The following SCARF1 variants were observed in gnomAD, a reference collection of about 807,000 sequenced individuals.
The protein encoded by SCARF1 is acetyl LDL receptor.
SCARF1 carries 49 observed loss-of-function variants against 76.3 expected under a neutral mutation model. The ratio of observed to expected loss-of-function variants is 0.64; its 90% CI spans 0.51 to 0.81. SCARF1 has a LOEUF of 0.81. Among genes scored for constraint, SCARF1 ranks in the 40% least tolerant of loss-of-function variants. SCARF1 has a pLI of 0.00. For synonymous variants in SCARF1, 495 were observed against 474.6 expected, an observed-to-expected ratio of 1.04 and a Z score of -0.56; for missense variants, 1,098 against 1,143.9, an observed-to-expected ratio of 0.96 and a Z score of 0.58.
At chr17:1,641,179 C>T (rs979359716) in intron 4 of SCARF1, among the ~76,000 whole-genome samples, 5 of 152,186 alleles carry the variant, frequency 3.3e-5, no homozygotes, top group Admixed American at 6.5e-5. Flanking sequence ...AGGAACTGGG[C>T]GACAGCGTAG....
In SCARF1 at chr17:1,645,383, C is replaced by CCGG; in HGVS notation, c.102-145_102-144insCCG. On this transcript the variant is annotated intron_variant, in intron 1 of 10. Coordinates refer to ENST00000263071, the MANE Select transcript of SCARF1 (RefSeq NM_003693.4). The surrounding 1 kb of genome is among the most constrained non-coding windows in gnomAD (Gnocchi z 6.3). Reference sequence around the variant, plus strand: ...AATGGATCTTTACAGCTAGGGTCCCCAGCCCCTCCCCTCTCCTTCCCTGAC... The same window carrying CCGG: ...AATGGATCTTTACAGCTAGGGTCCCCCGGAGCCCCTCCCCTCTCCTTCCCTGAC... 3 of 1,394,364 alleles carry CCGG rather than the reference C, an allele frequency of 2.2e-6. No homozygotes were observed. Among genetic ancestry groups the CCGG allele is most frequent in the Non-Finnish European group, 2.9e-6 (3 of 1,028,268 alleles). The allele number at this position is 1,394,364 out of a possible 1,614,324, so 86.4% of individuals were successfully genotyped here.
chr17:1,634,513 G>C lies in SCARF1; in HGVS notation c.*245C>G, dbSNP rs1270542870. 2.3e-6 allele frequency: 1 copy of C among 444,250 alleles called. No individual in the cohort carries two copies. The highest frequency in any genetic ancestry group is 3.4e-5 in the East Asian group (1 of 29,514). The allele number at this position is 444,250 out of a possible 1,614,324, so 27.5% of individuals were successfully genotyped here. ...GCCCTTATGAGGCACACAGGGTCCA[G>C]GACAGCAGAGCAAAAGTCCCTGCAG... is the stretch of plus-strand genomic sequence containing the variant. On this transcript the variant is annotated 3_prime_UTR_variant, in exon 11 of 11. Transcript: ENST00000263071.
At chr17:1,643,245 C>G in intron 4 of SCARF1, 197 bp downstream of exon 4, 1 of 69,650 alleles carries the variant, frequency 1.4e-5, no homozygotes, top group East Asian at 4.0e-4. Context: ...CCCTCCCCGC[C>G]CACCGGTGTC....
chr17:1,634,391 A>C lies in SCARF1; in HGVS notation c.*367T>G, dbSNP rs1253626108. The C allele has an allele frequency of 1.5e-5, 5 of 325,330 alleles. No homozygotes were observed. The highest frequency in any genetic ancestry group is 8.9e-5 in the African/African-American group (4 of 45,098). The allele number at this position is 325,330 out of a possible 1,614,324, so 20.2% of individuals were successfully genotyped here. A position where few individuals can be genotyped will look rare whatever the true frequency, so the allele number is the denominator to read the frequency against. On this transcript the variant is annotated 3_prime_UTR_variant, in exon 11 of 11. Transcript: ENST00000263071. Reference sequence around the variant, plus strand: ...GGGACAGAGGGAGATTCTGTCTCAAAAAAAAAAAAAAAAATTTGTTTAGCC... The same window carrying C: ...GGGACAGAGGGAGATTCTGTCTCAACAAAAAAAAAAAAAATTTGTTTAGCC...
Position 1,639,760 on chromosome 17 carries a change from G to C in SCARF1, c.1140-18C>G, listed in dbSNP as rs750553914. ...CGTTGCAGCTATGGAGTGACATGGAGAGGCAGGCTGAGGGCTGGGTGAAGT... is the reference window on the plus strand; with the variant it reads ...CGTTGCAGCTATGGAGTGACATGGACAGGCAGGCTGAGGGCTGGGTGAAGT... On this transcript the variant is annotated intron_variant, in intron 6 of 10. Transcript: ENST00000263071. The C allele has an allele frequency of 2.0e-5, 32 of 1,605,640 alleles. No homozygotes were observed. The highest frequency in any genetic ancestry group is 2.7e-5 in the Non-Finnish European group (32 of 1,175,578).
Position 1,641,766 on chromosome 17 carries a change from G to C in SCARF1, c.792-1100C>G, listed in dbSNP as rs756775211. 5.3e-5 allele frequency among the ~76,000 whole-genome samples: 8 copies of C among 152,252 alleles called. No homozygotes were observed. The South Asian group carries it at 8.3e-4, about 16-fold the overall frequency. On this transcript the variant is annotated intron_variant, in intron 4 of 10. Coordinates refer to ENST00000263071, the MANE Select transcript of SCARF1 (RefSeq NM_003693.4). The stretch of plus-strand genomic sequence containing the variant: ...AGACTGAGTCTCACTCTGTCGCCCA[G>C]GCTGGCGTGCAGTGGCGCGATCTTG...
intron 10 of SCARF1, among the ~76,000 whole-genome samples, chr17:1,636,295 C>A (rs749231473): frequency 2.0e-5 from 3 of 152,222 alleles, no homozygotes; most frequent in African/African-American, 7.2e-5. Context: ...TTATCTCTTG[C>A]ATGCCCGGAG....
chr17:1,638,672 C>T, intron 8 of SCARF1, 134 bp downstream of exon 8: 1 of 1,240,414 alleles, frequency 8.1e-7, no homozygotes, highest in Non-Finnish European at 1.1e-6. Flanking sequence ...CAAGGCCAGC[C>T]CTCCCCACCC....
rs748658590 is a variant in SCARF1 at position 1,643,483 on chromosome 17, C to G, written c.750G>C (p.Leu250=). ...CCCCGTGGCTGCCTGCCGGGCAGGG[C>G]AGCTCGCAGCGCGCTCCGCGGAAGC... ...PPGFRGARCE[L]PCPAGSHGVQ... The change falls in exon 4 of 11, where the codon CTG becomes CTC. Residue 250 remains leucine, a synonymous_variant. Coordinates refer to ENST00000263071, the MANE Select transcript of SCARF1 (RefSeq NM_003693.4). The G allele has an allele frequency of 5.2e-5, 69 of 1,329,072 alleles. 2 individuals carry two copies. The South Asian group carries it at 1.3e-3, about 25-fold the overall frequency. 82.3% of individuals were successfully genotyped at this position (1,329,072 alleles called of 1,614,324 possible).
chr17:1,634,616 T>A lies in SCARF1; in HGVS notation c.*142A>T. ...CCCTCCGGGAGCACTGCCAGGGGCC[T>A]GGGCCAACTGGCCTGGAAGCCTTGC... is the stretch of plus-strand genomic sequence containing the variant. On this transcript the variant is annotated 3_prime_UTR_variant, in exon 11 of 11. Coordinates refer to ENST00000263071, the MANE Select transcript of SCARF1 (RefSeq NM_003693.4). 8.1e-7 allele frequency: 1 copy of A among 1,227,938 alleles called. No individual in the cohort carries two copies. Among genetic ancestry groups the A allele is most frequent in the Non-Finnish European group, 1.1e-6 (1 of 897,502 alleles). 76.1% of individuals were successfully genotyped at this position (1,227,938 alleles called of 1,614,324 possible). A position where few individuals can be genotyped will look rare whatever the true frequency, so the allele number is the denominator to read the frequency against.
Position 1,643,862 on chromosome 17 carries a change from C to A in SCARF1, c.371G>T (p.Arg124Leu). 2 of 1,280,244 alleles carry A rather than the reference C, an allele frequency of 1.6e-6. No individual in the cohort carries two copies. Among genetic ancestry groups the A allele is most frequent in the Admixed American group, 4.2e-5 (1 of 23,838 alleles). The allele number at this position is 1,280,244 out of a possible 1,614,324, so 79.3% of individuals were successfully genotyped here. A position where few individuals can be genotyped will look rare whatever the true frequency, so the allele number is the denominator to read the frequency against. The stretch of plus-strand genomic sequence containing the variant: ...CGGGAACTCGCAGCGGGCTCCCCAG[C>A]GGTCGGCCTGGCACTGGCACGCGCC... ...ATGACQCQADRWGARCEFPCA... is the reference protein window; with the variant it reads ...ATGACQCQADLWGARCEFPCA... The change falls in exon 4 of 11, where the codon CGC becomes CTC. Residue 124 changes from arginine (R) to leucine (L), a missense_variant. By Grantham distance (102) the Arg-to-Leu change is moderately radical. Coordinates refer to ENST00000263071, the MANE Select transcript of SCARF1 (RefSeq NM_003693.4).
Position 1,640,152 on chromosome 17 carries a change from C to A in SCARF1, c.1011-112G>T, listed in dbSNP as rs944010346. 1 of 1,307,852 alleles carries A rather than the reference C, an allele frequency of 7.6e-7. No individual in the cohort carries two copies. The highest frequency in any genetic ancestry group is 1.0e-6 in the Non-Finnish European group (1 of 954,776). 81.0% of individuals were successfully genotyped at this position (1,307,852 alleles called of 1,614,324 possible). A position where few individuals can be genotyped will look rare whatever the true frequency, so the allele number is the denominator to read the frequency against. ...GGACTCAAGGACCCAACTGGCCACT[C>A]CTCAGCAGTGAAGCTCAGGTGCAAA... On this transcript the variant is annotated intron_variant, in intron 5 of 10. Coordinates refer to ENST00000263071, the MANE Select transcript of SCARF1 (RefSeq NM_003693.4). This position sits in a 1 kb window ranked among gnomAD's most constrained non-coding sequence, Gnocchi z 4.7.
At chr17:1,637,955 G>C (rs1909722140) in intron 8 of SCARF1, among the ~76,000 whole-genome samples, 1 of 152,174 alleles carries the variant, frequency 6.6e-6, no homozygotes, top group Non-Finnish European at 1.5e-5. Context: ...AGGGGCAACT[G>C]TATCTGCTCC....
In SCARF1 at chr17:1,640,155, C is replaced by T; in HGVS notation, c.1011-115G>A. On this transcript the variant is annotated intron_variant, in intron 5 of 10. Transcript: ENST00000263071. The surrounding 1 kb of genome is among the most constrained non-coding windows in gnomAD (Gnocchi z 4.7). ...CTCAAGGACCCAACTGGCCACTCCT[C>T]AGCAGTGAAGCTCAGGTGCAAATAG... The T allele has an allele frequency of 7.8e-7, 1 of 1,284,524 alleles. No homozygotes were observed. The highest frequency in any genetic ancestry group is 1.1e-6 in the Non-Finnish European group (1 of 935,564). The allele number at this position is 1,284,524 out of a possible 1,614,324, so 79.6% of individuals were successfully genotyped here. A position where few individuals can be genotyped will look rare whatever the true frequency, so the allele number is the denominator to read the frequency against.
Position 1,640,155 on chromosome 17 carries a change from C to G in SCARF1, c.1011-115G>C. On this transcript the variant is annotated intron_variant, in intron 5 of 10. Coordinates refer to ENST00000263071, the MANE Select transcript of SCARF1 (RefSeq NM_003693.4). This position sits in a 1 kb window ranked among gnomAD's most constrained non-coding sequence, Gnocchi z 4.7. Reference sequence around the variant, plus strand: ...CTCAAGGACCCAACTGGCCACTCCTCAGCAGTGAAGCTCAGGTGCAAATAG... The same window carrying G: ...CTCAAGGACCCAACTGGCCACTCCTGAGCAGTGAAGCTCAGGTGCAAATAG... The G allele has an allele frequency of 7.8e-7, 1 of 1,284,524 alleles. No individual in the cohort carries two copies. Among genetic ancestry groups the G allele is most frequent in the Non-Finnish European group, 1.1e-6 (1 of 935,564 alleles). 79.6% of individuals were successfully genotyped at this position (1,284,524 alleles called of 1,614,324 possible).
In SCARF1 at chr17:1,637,029, C is replaced by A; in HGVS notation, c.1398G>T (p.Met466Ile). ...TCAGTGTCCCCCAGACCTGCAGCTT[C>A]ATCCTGGACACGGTAGCTCCATCTC... is the stretch of plus-strand genomic sequence containing the variant. ...PARDGATVSR[M>I]KLQVWGTLTS... Residue 466 changes from methionine (M) to isoleucine (I), a missense_variant, in exon 9 of 11, where the codon ATG becomes ATT. Physicochemically the swap from Met to Ile is conservative, Grantham distance 10. Coordinates refer to ENST00000263071, the MANE Select transcript of SCARF1 (RefSeq NM_003693.4). 2 of 1,614,026 alleles carry A rather than the reference C, an allele frequency of 1.2e-6. No homozygotes were observed. Among genetic ancestry groups the A allele is most frequent in the Non-Finnish European group, 1.7e-6 (2 of 1,180,016 alleles).
chr17:1,637,011 C>G lies in SCARF1; in HGVS notation c.1416G>C (p.Gly472=), dbSNP rs201292021. Residue 472 remains glycine (G), a synonymous_variant, in exon 9 of 11, where the codon GGG becomes GGC. Coordinates refer to ENST00000263071, the MANE Select transcript of SCARF1 (RefSeq NM_003693.4). ...GCGTGGAGCCCAAGCTGGTCAGTGTCCCCCAGACCTGCAGCTTCATCCTGG... is the reference window on the plus strand; with the variant it reads ...GCGTGGAGCCCAAGCTGGTCAGTGTGCCCCAGACCTGCAGCTTCATCCTGG... ...TVSRMKLQVW[G]TLTSLGSTLP... 4 of 1,613,830 alleles carry G rather than the reference C, an allele frequency of 2.5e-6. No homozygotes were observed. In the Admixed American group the frequency reaches 6.7e-5, roughly 27 times the overall value.
chr17:1,638,975 C>T, intron 7 of SCARF1, 49 bp from the exon 8 acceptor site: 1 of 1,512,588 alleles, frequency 6.6e-7, no homozygotes, highest in Non-Finnish European at 8.9e-7. Context: ...GTCTCCTACA[C>T]ATCCTGTCTT....
At position 1,645,082 on chromosome 17, in the gene SCARF1, A is replaced by T. The variant is rs139233187; in HGVS notation, c.163+96T>A. 8.5e-4 allele frequency: 1,334 copies of T among 1,560,524 alleles called. 8 individuals carry two copies. The African/African-American group carries it at 0.017, about 20-fold the overall frequency. ...CACAGGAGAAACCCTGACTCCTGGT[A>T]TCAGGAGGGGCAGGCCCCATGGGGT... is the stretch of plus-strand genomic sequence containing the variant. On this transcript the variant is annotated intron_variant, in intron 2 of 10. Coordinates refer to ENST00000263071, the MANE Select transcript of SCARF1 (RefSeq NM_003693.4). This position sits in a 1 kb window ranked among gnomAD's most constrained non-coding sequence, Gnocchi z 6.3.
Sources: gnomAD v4.1 joint callset for allele counts (sites outside exome capture counted in the v4.1 genomes callset) on GRCh38, gnomAD v4.1.1 for gene constraint, Gnocchi (gnomAD v3.1) non-coding constraint, MANE v1.5 for transcripts, NCBI Gene and HGNC (gene_info 2026-07-23, HGNC 2026-07-21) for gene names.